Variants in RIMOC1 observed in about 807,000 individuals in gnomAD.
The protein encoded by RIMOC1 is RAB7A interacting MON1-CCZ1 complex subunit 1, also known as RAB7A-interacting MON1-CCZ1 complex subunit 1.
At chr5:41,905,048 A>T in the RIMOC1 span, among the ~76,000 whole-genome samples, 34 of 152,286 alleles carry the variant, frequency 2.2e-4, no homozygotes, top group South Asian at 6.6e-3. Flanking sequence ...GTTAGGAAAA[A>T]CTGGGCTAGG....
At chr5:41,905,225 C>T in the RIMOC1 span, among the ~76,000 whole-genome samples, 1 of 152,204 alleles carries the variant, frequency 6.6e-6, no homozygotes, top group Non-Finnish European at 1.5e-5. Context: ...AGTGGTGGAA[C>T]ATTTTCTTAA....
At chr5:41,907,841 A>G in the RIMOC1 span, 1 of 1,586,994 alleles carries the variant, frequency 6.3e-7, no homozygotes, top group African/African-American at 1.3e-5. Context: ...CTTTACACAC[A>G]GGTACTGAAA....
chr5:41,916,359 T>G, the RIMOC1 span: 1 of 864,420 alleles, frequency 1.2e-6, no homozygotes, highest in South Asian at 5.3e-5. Context: ...AAATATTTAA[T>G]TATATAATTG....
chr5:41,911,045 C>T, the RIMOC1 span: 6 of 1,608,224 alleles, frequency 3.7e-6, no homozygotes, highest in Non-Finnish European at 4.2e-6. Context: ...TTGTGTGTTT[C>T]AGCACTGCAA....
the RIMOC1 span, among the ~76,000 whole-genome samples, chr5:41,907,493 ACT>A: frequency 6.6e-6 from 1 of 152,114 alleles, no homozygotes; most frequent in Non-Finnish European, 1.5e-5. Flanking sequence ...GGCAAGAGTG[ACT>A]CTAGAAAGTT....
chr5:41,907,227 T>A, the RIMOC1 span, among the ~76,000 whole-genome samples: 4 of 152,360 alleles, frequency 2.6e-5, no homozygotes, highest in East Asian at 1.9e-4. Context: ...TATGTAATTT[T>A]AATTGTAGTA....
the RIMOC1 span, chr5:41,912,223 G>A: frequency 8.3e-7 from 1 of 1,204,862 alleles, no homozygotes; most frequent in East Asian, 2.4e-5. Flanking sequence ...GTGTTTTAAA[G>A]CTTCTTAAGA....
At chr5:41,904,670 C>G in the RIMOC1 span, among the ~76,000 whole-genome samples, 1 of 152,216 alleles carries the variant, frequency 6.6e-6, no homozygotes, top group East Asian at 1.9e-4. Context: ...GCGTTGTCTT[C>G]GAAAACCGCA....
chr5:41,914,928 A>G, the RIMOC1 span, among the ~76,000 whole-genome samples: 262 of 152,278 alleles, frequency 1.7e-3, 2 homozygotes, highest in African/African-American at 5.9e-3. Flanking sequence ...TACAATTCTG[A>G]GTAATTCTTA....
chr5:41,912,243 GT>G, the RIMOC1 span: 1 of 1,003,696 alleles, frequency 1.0e-6, no homozygotes, highest in South Asian at 1.4e-5. Context: ...ATTTTAGGAA[GT>G]TTGTTAGATT....
At chr5:41,912,238 A>G in the RIMOC1 span, 3 of 1,076,102 alleles carry the variant, frequency 2.8e-6, no homozygotes, top group South Asian at 2.8e-5. Flanking sequence ...TTAAGATTTT[A>G]GGAAGTTTGT....
At chr5:41,917,313 T>C in the RIMOC1 span, 1 of 1,571,336 alleles carries the variant, frequency 6.4e-7, no homozygotes, top group African/African-American at 1.4e-5. Context: ...GTTCATCTAG[T>C]CCTTTTCAAA....
At chr5:41,904,507 G>A in the RIMOC1 span, 1 of 1,584,370 alleles carries the variant, frequency 6.3e-7, no homozygotes, top group Non-Finnish European at 8.6e-7. Flanking sequence ...GGGGCAGACG[G>A]CGCTAAGGTA....
chr5:41,906,781 C>T, the RIMOC1 span, among the ~76,000 whole-genome samples: 1 of 152,202 alleles, frequency 6.6e-6, no homozygotes, highest in East Asian at 1.9e-4. Context: ...CAATGAACAC[C>T]TTATCTGTGT....
the RIMOC1 span, chr5:41,918,604 A>T: frequency 3.0e-6 from 3 of 985,364 alleles, no homozygotes; most frequent in Non-Finnish European, 3.6e-6. Context: ...TGTGATGGGT[A>T]GTCCTTCAAA....
chr5:41,917,370 A>G, the RIMOC1 span: 1 of 1,484,464 alleles, frequency 6.7e-7, no homozygotes, highest in Non-Finnish European at 8.9e-7. Context: ...GTTCCAAAAA[A>G]GAAGACCTGT....
chr5:41,912,358 A>G, the RIMOC1 span, among the ~76,000 whole-genome samples: 2 of 152,244 alleles, frequency 1.3e-5, no homozygotes, highest in Admixed American at 6.5e-5. Flanking sequence ...GATGTAATAC[A>G]GAAAAATATT....
the RIMOC1 span, chr5:41,917,365 A>G: frequency 1.3e-6 from 2 of 1,488,324 alleles, no homozygotes; most frequent in Non-Finnish European, 8.9e-7. Context: ...AGAGAGTTCC[A>G]AAAAAGAAGA....
chr5:41,911,984 G>T, the RIMOC1 span: 6 of 873,826 alleles, frequency 6.9e-6, no homozygotes, highest in Non-Finnish European at 9.5e-6. Context: ...TTTCTCTTGA[G>T]TAAAGAATGG....
Sources: gnomAD v4.1 joint callset for allele counts (sites outside exome capture counted in the v4.1 genomes callset) on GRCh38, gnomAD v4.1.1 for gene constraint, MANE v1.5 for transcripts, NCBI Gene and HGNC (gene_info 2026-07-23, HGNC 2026-07-21) for gene names.